Variants in CXADR observed in about 807,000 individuals in gnomAD.
CXADR encodes the protein coxsackievirus and adenovirus receptor.
In CXADR, 20 loss-of-function variants were observed where a neutral mutation model predicts 40.3. That is an observed-to-expected ratio of 0.50 (90% CI 0.35 to 0.72). The LOEUF is 0.72. Ranked by LOEUF, CXADR falls within the 30% of genes least tolerant of loss-of-function variation. The pLI is 0.01. For synonymous variants in CXADR, 150 were observed against 161.3 expected, an observed-to-expected ratio of 0.93 and a Z score of 0.53; for missense variants, 332 against 449.1, an observed-to-expected ratio of 0.74 and a Z score of 2.36.
At chr21:17,580,287 C>T (rs1198665537) in intron 7 of CXADR, among the ~76,000 whole-genome samples, 3 of 152,186 alleles carry the variant, frequency 2.0e-5, no homozygotes, top group Non-Finnish European at 4.4e-5. Context: ...CTTATGTTCA[C>T]TCTCTTGCTC....
downstream of CXADR, chr21:17,594,461 C>G: frequency 1.8e-6 from 2 of 1,115,488 alleles, no homozygotes; most frequent in Non-Finnish European, 2.5e-6. Flanking sequence ...CTCCTATTGT[C>G]AGGTCTAAAT....
At chr21:17,610,161 G>A in the CXADR span, among the ~76,000 whole-genome samples, 2 of 152,138 alleles carry the variant, frequency 1.3e-5, no homozygotes, top group Non-Finnish European at 2.9e-5. Flanking sequence ...AGTGGCCTAC[G>A]GGGAAGTGGG....
intron 1 of CXADR, among the ~76,000 whole-genome samples, chr21:17,529,684 T>C (rs1175456349): frequency 6.6e-6 from 1 of 152,214 alleles, no homozygotes; most frequent in African/African-American, 2.4e-5. Flanking sequence ...CAAAGACAAT[T>C]TGAATTTGCT....
downstream of CXADR, among the ~76,000 whole-genome samples, chr21:17,570,822 C>T (rs1266720291): frequency 6.6e-6 from 1 of 152,082 alleles, no homozygotes; most frequent in Non-Finnish European, 1.5e-5. Flanking sequence ...CAGGAAAAAC[C>T]AGAATGGGAT....
In CXADR at chr21:17,569,112, A is replaced by G. The variant is rs1228251820; in HGVS notation, c.*3420A>G. Reference sequence around the variant, plus strand: ...ATGAAGTTGACTATCAAATTCTGTGATGTGTGGCTTCTTAAAAATATTCTC... The same window carrying G: ...ATGAAGTTGACTATCAAATTCTGTGGTGTGTGGCTTCTTAAAAATATTCTC... On this transcript the variant is annotated 3_prime_UTR_variant, in exon 7 of 7. Transcript: ENST00000284878. 2.0e-6 allele frequency: 2 copies of G among 985,292 alleles called. No individual in the cohort carries two copies. Among genetic ancestry groups the G allele is most frequent in the African/African-American group, 3.5e-5 (2 of 57,242 alleles). 61.0% of individuals were successfully genotyped at this position (985,292 alleles called of 1,614,324 possible).
intron 6 of CXADR, among the ~76,000 whole-genome samples, chr21:17,564,952 C>T (rs566672966): frequency 6.6e-6 from 1 of 152,236 alleles, no homozygotes; most frequent in Admixed American, 6.5e-5. Context: ...CCAGGCTAGT[C>T]TTGAACTCCT....
chr21:17,594,410 A>G (rs202093449), downstream of CXADR: 88 of 536,332 alleles, frequency 1.6e-4, no homozygotes, highest in African/African-American at 8.9e-4. Context: ...ATTAAAGACA[A>G]ACAAAGTTAC....
intron 7 of CXADR, among the ~76,000 whole-genome samples, chr21:17,587,568 C>G (rs1031188354): frequency 3.9e-5 from 6 of 152,172 alleles, no homozygotes; most frequent in African/African-American, 1.4e-4. Context: ...ATATCCTTCA[C>G]CCACTTTTCG....
intron 7 of CXADR, among the ~76,000 whole-genome samples, chr21:17,586,771 G>A (rs8133097): frequency 0.51 from 76,754 of 151,790 alleles, 21,238 homozygotes; most frequent in African/African-American, 0.74. Context: ...AAGTTTTAGG[G>A]TACATGTGCA....
chr21:17,548,452 G>A (rs570476221), intron 2 of CXADR, among the ~76,000 whole-genome samples: 3 of 152,096 alleles, frequency 2.0e-5, no homozygotes, highest in Non-Finnish European at 4.4e-5. Context: ...ACTCAGCCTC[G>A]TTGCCCTGTT....
intron 7 of CXADR, among the ~76,000 whole-genome samples, chr21:17,581,405 A>G (rs907932507): frequency 5.3e-5 from 8 of 152,216 alleles, no homozygotes; most frequent in Non-Finnish European, 1.2e-4. Flanking sequence ...CTTTCAATAT[A>G]TGAGAGTGTT....
intron 1 of CXADR, among the ~76,000 whole-genome samples, chr21:17,545,490 GAT>G (rs1194250501): frequency 6.6e-6 from 1 of 151,712 alleles, no homozygotes; most frequent in Non-Finnish European, 1.5e-5. Flanking sequence ...GCAGTGGCAC[GAT>G]CTTGGCTCAC....
chr21:17,622,983 A>C, the CXADR span, among the ~76,000 whole-genome samples: 5 of 152,180 alleles, frequency 3.3e-5, no homozygotes, highest in Admixed American at 3.3e-4. Context: ...GGAATATCTA[A>C]AATTAAGTGA....
downstream of CXADR, among the ~76,000 whole-genome samples, chr21:17,575,002 T>C (rs201764405): frequency 4.4e-3 from 16 of 3,602 alleles, no homozygotes; most frequent in Non-Finnish European, 0.057. Context: ...TACACACACA[T>C]ACATACATAC....
At chr21:17,619,596 CA>C in the CXADR span, among the ~76,000 whole-genome samples, 190 of 134,704 alleles carry the variant, frequency 1.4e-3, no homozygotes, top group Middle Eastern at 3.9e-3. Flanking sequence ...GGCTCTGTTT[CA>C]AAAAAAAAAA....
intron 6 of CXADR, among the ~76,000 whole-genome samples, chr21:17,562,791 G>A (rs538329338): frequency 1.3e-5 from 2 of 152,144 alleles, no homozygotes; most frequent in Admixed American, 6.5e-5. Context: ...GTATTTTTAT[G>A]TTATGGAAAT....
chr21:17,558,747 T>G (rs2824357), intron 3 of CXADR, among the ~76,000 whole-genome samples: 5,338 of 152,266 alleles, frequency 0.035, 313 homozygotes, highest in African/African-American at 0.12. Context: ...GCCTGAGATA[T>G]TGCCATATCT....
At chr21:17,576,087 C>A (rs200267054) in intron 7 of CXADR, among the ~76,000 whole-genome samples, 781 of 121,482 alleles carry the variant, frequency 6.4e-3, no homozygotes, top group Middle Eastern at 0.014. Flanking sequence ...GACTCCATCT[C>A]AAAAAAAAAA....
intron 1 of CXADR, among the ~76,000 whole-genome samples, chr21:17,545,467 C>G (rs2060884452): frequency 1.3e-5 from 2 of 152,062 alleles, no homozygotes; most frequent in African/African-American, 2.4e-5. Flanking sequence ...TGCTTTGTCA[C>G]CCAGGCTGGA....
Sources: allele counts gnomAD v4.1 joint callset (sites outside exome capture counted in the v4.1 genomes callset), GRCh38; gene constraint gnomAD v4.1.1; transcripts MANE v1.5; gene names NCBI Gene and HGNC (gene_info 2026-07-23, HGNC 2026-07-21).